Variants in NTM observed in about 807,000 individuals in gnomAD.
NTM encodes IgLON family member 2.
In NTM, 13 loss-of-function variants were observed where a neutral mutation model predicts 42.1. That is an observed-to-expected ratio of 0.31 (90% CI 0.20 to 0.49). The LOEUF is 0.49. NTM is among the 20% of genes least tolerant of loss of function. The pLI is 0.99. For missense variants in NTM, 373 were observed against 452.8 expected, an observed-to-expected ratio of 0.82 and a Z score of 1.60; for synonymous variants, 187 against 179.2, an observed-to-expected ratio of 1.04 and a Z score of -0.35.
At chr11:131,524,030 T>A (rs2050122365) in intron 1 of NTM, among the ~76,000 whole-genome samples, 1 of 152,114 alleles carries the variant, frequency 6.6e-6, no homozygotes, top group African/African-American at 2.4e-5. Context: ...GTGCCTTTGG[T>A]CTAGTTAGCT....
intron 1 of NTM, among the ~76,000 whole-genome samples, chr11:131,573,780 G>A (rs758923013): frequency 3.9e-5 from 6 of 152,130 alleles, no homozygotes; most frequent in Non-Finnish European, 5.9e-5. Context: ...TTCTCTTGAA[G>A]AGTGAGAAAC....
At chr11:132,137,065 G>A (rs964072897) in intron 2 of NTM, among the ~76,000 whole-genome samples, 13 of 152,148 alleles carry the variant, frequency 8.5e-5, no homozygotes, top group South Asian at 2.1e-4. Context: ...CAGTGTAATC[G>A]CAAAAAGTGT....
At chr11:132,159,751 C>T (rs1157296687) in intron 3 of NTM, among the ~76,000 whole-genome samples, 1 of 152,174 alleles carries the variant, frequency 6.6e-6, no homozygotes, top group Non-Finnish European at 1.5e-5. Flanking sequence ...TCCACAGACC[C>T]ACCGAACCTG....
At chr11:131,489,131 T>C (rs541014292) in intron 1 of NTM, among the ~76,000 whole-genome samples, 3 of 152,150 alleles carry the variant, frequency 2.0e-5, no homozygotes, top group Non-Finnish European at 4.4e-5. Context: ...GTTCCAAACA[T>C]TATCTCTTCT....
intron 2 of NTM, among the ~76,000 whole-genome samples, chr11:132,116,035 C>G (rs1371327718): frequency 6.6e-6 from 1 of 152,240 alleles, no homozygotes. Flanking sequence ...TTCTCTGCGT[C>G]TCTCTGAGCA....
intron 1 of NTM, among the ~76,000 whole-genome samples, chr11:131,669,129 T>G (rs1033523500): frequency 6.6e-6 from 1 of 152,100 alleles, no homozygotes; most frequent in Non-Finnish European, 1.5e-5. Context: ...CTGTCCACTC[T>G]AGTCATCCAG....
At chr11:131,712,805 A>G (rs913682118) in intron 1 of NTM, among the ~76,000 whole-genome samples, 1 of 151,816 alleles carries the variant, frequency 6.6e-6, no homozygotes, top group Non-Finnish European at 1.5e-5. Flanking sequence ...TACGTCTCAA[A>G]CTCCTGAGTT....
At chr11:131,795,221 C>A in intron 1 of NTM, 1 of 370,608 alleles carries the variant, frequency 2.7e-6, no homozygotes, top group Non-Finnish European at 3.7e-6. Context: ...CTAATCCCAG[C>A]TCTCTCGTAT....
At chr11:131,807,881 T>C (rs1327051376) in intron 1 of NTM, among the ~76,000 whole-genome samples, 1 of 152,236 alleles carries the variant, frequency 6.6e-6, no homozygotes, top group Non-Finnish European at 1.5e-5. Context: ...TTTGTGTTGA[T>C]ATGGGAAAGA....
At chr11:132,334,416 C>T (rs1303821093) in intron 8 of NTM, among the ~76,000 whole-genome samples, 1 of 152,238 alleles carries the variant, frequency 6.6e-6, no homozygotes, top group Non-Finnish European at 1.5e-5. Flanking sequence ...TTCGGCCTTG[C>T]AGGCATGTGA....
chr11:131,478,627 C>A (rs1296928621), intron 1 of NTM, among the ~76,000 whole-genome samples: 1 of 152,074 alleles, frequency 6.6e-6, no homozygotes, highest in Non-Finnish European at 1.5e-5. Flanking sequence ...CTGTGGTTAT[C>A]CAAGCACATT....
At chr11:132,096,452 T>A (rs2060999850) in intron 2 of NTM, among the ~76,000 whole-genome samples, 1 of 152,170 alleles carries the variant, frequency 6.6e-6, no homozygotes, top group African/African-American at 2.4e-5. Context: ...AAGTTGCATT[T>A]AGAATGGGGA....
At chr11:131,688,167 C>A (rs1053492837) in intron 1 of NTM, among the ~76,000 whole-genome samples, 6 of 152,090 alleles carry the variant, frequency 3.9e-5, no homozygotes, top group Non-Finnish European at 7.4e-5. Flanking sequence ...GAACGGCCAC[C>A]GGAGGGCACC....
intron 1 of NTM, among the ~76,000 whole-genome samples, chr11:131,505,439 G>C (rs1311624646): frequency 6.6e-6 from 1 of 152,164 alleles, no homozygotes; most frequent in African/African-American, 2.4e-5. Context: ...CTGAATCTCA[G>C]TCTCCATCAC....
At chr11:131,917,861 T>G (rs947034883) in intron 2 of NTM, among the ~76,000 whole-genome samples, 1 of 152,198 alleles carries the variant, frequency 6.6e-6, no homozygotes, top group African/African-American at 2.4e-5. Context: ...GGAAGCACAT[T>G]CAGCTGTTGA....
intron 1 of NTM, among the ~76,000 whole-genome samples, chr11:131,890,160 C>A (rs200840599): frequency 3.4e-5 from 5 of 148,332 alleles, no homozygotes; most frequent in East Asian, 2.0e-4. Flanking sequence ...CTCTCTGTCT[C>A]TCTCTCTCTC....
At chr11:132,082,682 T>C (rs910777198) in intron 2 of NTM, among the ~76,000 whole-genome samples, 4 of 152,132 alleles carry the variant, frequency 2.6e-5, no homozygotes, top group African/African-American at 9.7e-5. Flanking sequence ...GCTGTTAGAA[T>C]AAGGACAAGG....
At chr11:131,726,044 T>A (rs991766548) in intron 1 of NTM, among the ~76,000 whole-genome samples, 2 of 152,138 alleles carry the variant, frequency 1.3e-5, no homozygotes, top group African/African-American at 4.8e-5. Context: ...GGATAAAGCA[T>A]CCTGGACTCC....
intron 1 of NTM, among the ~76,000 whole-genome samples, chr11:131,579,373 T>C (rs1273719647): frequency 1.3e-5 from 2 of 152,222 alleles, no homozygotes; most frequent in Non-Finnish European, 2.9e-5. Flanking sequence ...CCCTCTCCCT[T>C]TTATAGTATA....
Sources: gnomAD v4.1 joint callset for allele counts (sites outside exome capture counted in the v4.1 genomes callset) on GRCh38, gnomAD v4.1.1 for gene constraint, MANE v1.5 for transcripts, NCBI Gene and HGNC (gene_info 2026-07-23, HGNC 2026-07-21) for gene names.